Variants in RBM34 observed in about 807,000 individuals in gnomAD.
RBM34 encodes RNA-binding protein 34.
Under a neutral mutation model 44.6 loss-of-function variants are expected in RBM34, and 39 were observed. That is an observed-to-expected ratio of 0.87 (90% confidence interval 0.68 to 1.14). The LOEUF is 1.14. Among genes scored for constraint, RBM34 ranks in the 50% most tolerant of loss-of-function variants. The probability of loss-of-function intolerance (pLI) is 0.00; values close to 1 mark genes in which losing one functional copy is unlikely to be tolerated. For synonymous variants in RBM34, 194 were observed against 184.0 expected (o/e 1.05, Z -0.44); for missense variants, 572 against 517.9 (o/e 1.10, Z -1.01).
chr1:235,132,506 AC>A (rs1013466981), intron 10 of RBM34, among the ~76,000 whole-genome samples: 47 of 152,136 alleles, frequency 3.1e-4, no homozygotes, highest in African/African-American at 1.1e-3. Flanking sequence ...ACAGGGTTTC[AC>A]CACGTTAGCC....
At chr1:235,156,555 C>T (rs1220760556) in intron 3 of RBM34, 2 of 412,680 alleles carry the variant, frequency 4.8e-6, no homozygotes, top group East Asian at 7.2e-5. Flanking sequence ...AACCAGATTC[C>T]CTACTTCTAA....
At chr1:235,132,682 G>A (rs754853767) in intron 10 of RBM34, among the ~76,000 whole-genome samples, 21 of 152,094 alleles carry the variant, frequency 1.4e-4, no homozygotes, top group South Asian at 4.1e-4. Context: ...TGTATTAGCT[G>A]ACCAGAGGGC....
chr1:235,139,584 A>C (rs1661587597), intron 6 of RBM34, among the ~76,000 whole-genome samples: 1 of 152,214 alleles, frequency 6.6e-6, no homozygotes, highest in Admixed American at 6.5e-5. Context: ...ATCCAAATCC[A>C]ACACATCCTA....
intron 6 of RBM34, among the ~76,000 whole-genome samples, chr1:235,146,340 T>C (rs1183738799): frequency 6.6e-6 from 1 of 152,106 alleles, no homozygotes; most frequent in East Asian, 1.9e-4. Flanking sequence ...ACCTAGAGAA[T>C]ACTCTAAGAA....
In RBM34 at chr1:235,135,640, A is replaced by T. The variant is rs1344636644; in HGVS notation, c.1008+12T>A. On this transcript the variant is annotated intron_variant, in intron 10 of 10. Coordinates refer to ENST00000408888, the MANE Select transcript of RBM34 (RefSeq NM_015014.4). ...CTTCGAAGGACAGTGACAATGCATT[A>T]GTCTCCCATACCTCAAAGAGCACAT... The T allele has an allele frequency of 6.3e-7, 1 of 1,599,198 alleles. No homozygotes were observed. Among genetic ancestry groups the T allele is most frequent in the Admixed American group, 1.7e-5 (1 of 59,986 alleles).
intron 3 of RBM34, among the ~76,000 whole-genome samples, chr1:235,157,238 A>G (rs949863718): frequency 4.6e-5 from 7 of 152,210 alleles, no homozygotes; most frequent in African/African-American, 1.4e-4. Context: ...CAGTAAGGAG[A>G]TGGTTACAAC....
intron 3 of RBM34, 175 bp downstream of exon 3, chr1:235,160,336 G>T: frequency 1.3e-6 from 1 of 799,488 alleles, no homozygotes; most frequent in Non-Finnish European, 2.1e-6. Flanking sequence ...AATTGCTGAT[G>T]CTGAGTACAC....
chr1:235,138,997 C>T (rs74148653), intron 6 of RBM34, among the ~76,000 whole-genome samples: 4,617 of 152,220 alleles, frequency 0.03, 242 homozygotes, highest in African/African-American at 0.11. Context: ...CCCTTTGTCG[C>T]GACTGCTGGT....
At chr1:235,154,424 C>A (rs1398792684) in intron 4 of RBM34, among the ~76,000 whole-genome samples, 2 of 151,328 alleles carry the variant, frequency 1.3e-5, no homozygotes, top group African/African-American at 2.4e-5. Flanking sequence ...ATTAGCCAGG[C>A]ACGGTGGCGT....
chr1:235,158,549 T>C (rs1432290655), intron 3 of RBM34, among the ~76,000 whole-genome samples: 5 of 152,094 alleles, frequency 3.3e-5, no homozygotes, highest in Non-Finnish European at 1.5e-5. Context: ...GAGTTAATCT[T>C]GGACAAGAGG....
At chr1:235,151,465 G>A (rs1411068737) in intron 5 of RBM34, among the ~76,000 whole-genome samples, 1 of 152,190 alleles carries the variant, frequency 6.6e-6, no homozygotes, top group East Asian at 1.9e-4. Context: ...GAAATTATGG[G>A]CACTGTCAAA....
intron 8 of RBM34, 145 bp from the exon 9 acceptor site, chr1:235,136,218 T>C (rs1382776376): frequency 1.4e-6 from 1 of 704,678 alleles, no homozygotes; most frequent in Admixed American, 2.8e-5. Context: ...TTTGATTCTG[T>C]TTCTTCTGTC....
chr1:235,138,018 C>A, intron 7 of RBM34, 73 bp downstream of exon 7: 4 of 1,535,128 alleles, frequency 2.6e-6, no homozygotes, highest in Admixed American at 1.8e-5. Flanking sequence ...TAAAGTGAAA[C>A]CAAAGAATAA....
At chr1:235,142,005 G>A (rs1197079795) in intron 6 of RBM34, among the ~76,000 whole-genome samples, 1 of 152,210 alleles carries the variant, frequency 6.6e-6, no homozygotes, top group African/African-American at 2.4e-5. Flanking sequence ...AGAAGGCTAA[G>A]CTGCTAGGGG....
intron 6 of RBM34, among the ~76,000 whole-genome samples, chr1:235,143,228 G>C (rs1171516853): frequency 6.6e-6 from 1 of 152,188 alleles, no homozygotes; most frequent in Admixed American, 6.5e-5. Flanking sequence ...GTGAGGATGT[G>C]AAGCAACTGA....
intron 6 of RBM34, among the ~76,000 whole-genome samples, chr1:235,139,561 A>T (rs992277503): frequency 2.6e-5 from 4 of 152,208 alleles, no homozygotes; most frequent in Non-Finnish European, 4.4e-5. Context: ...CACAACACAC[A>T]GCTGCCGACA....
chr1:235,157,631 A>G (rs937011230), intron 3 of RBM34, among the ~76,000 whole-genome samples: 6 of 152,222 alleles, frequency 3.9e-5, no homozygotes, highest in Non-Finnish European at 8.8e-5. Context: ...GGGTCACAAG[A>G]ACATGACCAA....
intron 6 of RBM34, among the ~76,000 whole-genome samples, chr1:235,143,803 G>A (rs957030860): frequency 2.0e-5 from 3 of 152,112 alleles, no homozygotes; most frequent in African/African-American, 7.2e-5. Flanking sequence ...ATAAACAGGT[G>A]AATGGATAAA....
At position 235,132,019 on chromosome 1, in the gene RBM34, A is replaced by C. The variant is rs370076464; in HGVS notation, c.1009-22T>G. The C allele has an allele frequency of 4.3e-5, 67 of 1,547,860 alleles. No homozygotes were observed. Among genetic ancestry groups the C allele is most frequent in the Non-Finnish European group, 5.7e-5 (65 of 1,148,782 alleles). On this transcript the variant is annotated intron_variant, in intron 10 of 10. Transcript: ENST00000408888. ...TATTCTGCAAAAGAAAACACAATAC[A>C]TTAATTGCTACCAGAAACCCATCTG...
Sources: gnomAD v4.1 joint callset for allele counts (sites outside exome capture counted in the v4.1 genomes callset) on GRCh38, gnomAD v4.1.1 for gene constraint, MANE v1.5 for transcripts, NCBI Gene and HGNC (gene_info 2026-07-23, HGNC 2026-07-21) for gene names.